TAFA5: variants seen among roughly 807,000 people sequenced by gnomAD.
TAFA5 encodes TAFA chemokine like family member 5.
A neutral mutation model predicts 15.3 loss-of-function variants in TAFA5; 6 were observed. The ratio of observed to expected loss-of-function variants is 0.39; its 90% confidence interval spans 0.21 to 0.77. The LOEUF (loss-of-function observed/expected upper bound fraction) is 0.77. Among genes scored for constraint, TAFA5 ranks in the 30% least tolerant of loss-of-function variants. The pLI is 0.41. For synonymous variants in TAFA5, 103 were observed against 80.7 expected (o/e 1.28, Z -1.48); for missense variants, 161 against 193.1 (o/e 0.83, Z 0.98).
At position 48,569,048 on chromosome 22, in the gene TAFA5, G is replaced by A. The variant is rs11090857; in HGVS notation, c.113-77549G>A. Reference sequence around the variant, plus strand: ...AAGGAGGGGCAGGGCCGGGCTGTGAGCAGACTGGTTCAGGCGAACCACAGG... The same window carrying A: ...AAGGAGGGGCAGGGCCGGGCTGTGAACAGACTGGTTCAGGCGAACCACAGG... On this transcript the variant is annotated intron_variant, in intron 1 of 3. Transcript: ENST00000402357. Among the ~76,000 whole-genome samples, 1,925 of 152,296 alleles carry A rather than the reference G, an allele frequency of 0.013. 145 individuals carry two copies. In the East Asian group the frequency reaches 0.23, roughly 18 times the overall value.
chr22:48,583,095 C>A (rs1924148792), intron 1 of TAFA5, among the ~76,000 whole-genome samples: 1 of 150,214 alleles, frequency 6.7e-6, no homozygotes. Flanking sequence ...ACCCCACACA[C>A]AAAATACACC....
chr22:48,611,333 C>A (rs993247295), intron 1 of TAFA5, among the ~76,000 whole-genome samples: 1 of 152,228 alleles, frequency 6.6e-6, no homozygotes, highest in African/African-American at 2.4e-5. Context: ...GAGATGCTGT[C>A]CTGCGTTGCC....
intron 3 of TAFA5, among the ~76,000 whole-genome samples, chr22:48,721,070 G>GC (rs1298971350): frequency 1.3e-5 from 2 of 152,210 alleles, no homozygotes; most frequent in Admixed American, 6.5e-5. Flanking sequence ...CAGCCCCACT[G>GC]TGTGGTTGCC....
chr22:48,645,576 C>T (rs1926831467), intron 1 of TAFA5, among the ~76,000 whole-genome samples: 1 of 152,028 alleles, frequency 6.6e-6, no homozygotes, highest in African/African-American at 2.4e-5. Flanking sequence ...CAGAGCCTGA[C>T]TCTGCCCCCG....
At chr22:48,715,021 C>A (rs2147256561) in intron 3 of TAFA5, among the ~76,000 whole-genome samples, 1 of 152,344 alleles carries the variant, frequency 6.6e-6, no homozygotes, top group East Asian at 1.9e-4. Context: ...GCTTTAGAGT[C>A]CATTGTAAAT....
chr22:48,570,458 A>G (rs528879177), intron 1 of TAFA5, among the ~76,000 whole-genome samples: 2 of 152,354 alleles, frequency 1.3e-5, no homozygotes, highest in African/African-American at 4.8e-5. Flanking sequence ...TCTTCCTGGC[A>G]TCCAGGCCTT....
At chr22:48,735,356 G>A (rs1438715114) in intron 3 of TAFA5, among the ~76,000 whole-genome samples, 2 of 152,310 alleles carry the variant, frequency 1.3e-5, no homozygotes, top group Non-Finnish European at 2.9e-5. Context: ...GCTGGCCAGC[G>A]TGTCTCATAA....
chr22:48,692,779 G>A (rs1285978658), intron 2 of TAFA5, among the ~76,000 whole-genome samples: 1 of 152,172 alleles, frequency 6.6e-6, no homozygotes, highest in East Asian at 1.9e-4. Context: ...GGCCATACGA[G>A]GGGCGTGTTC....
Position 48,554,436 on chromosome 22 carries a change from TA to T in TAFA5, c.112+64739del, listed in dbSNP as rs1038145964. On this transcript the variant is annotated intron_variant, in intron 1 of 3. Coordinates refer to ENST00000402357, the MANE Select transcript of TAFA5 (RefSeq NM_001082967.3). ...CTTTTAACCTGGTACCTTCATAAAG[TA>T]AAAAAATGTTCCCAACATATTACAT... 1.2e-4 allele frequency among the ~76,000 whole-genome samples: 18 copies of T among 152,150 alleles called. 1 individual carries two copies. The highest frequency in any genetic ancestry group is 4.1e-4 in the South Asian group (2 of 4,820).
intron 1 of TAFA5, among the ~76,000 whole-genome samples, chr22:48,504,180 G>A (rs1439353976): frequency 2.6e-5 from 4 of 152,134 alleles, no homozygotes; most frequent in South Asian, 2.1e-4. Context: ...ACACTCCCTC[G>A]GCTGGCAGAG....
At chr22:48,502,938 G>A (rs8137579) in intron 1 of TAFA5, among the ~76,000 whole-genome samples, 4,632 of 152,228 alleles carry the variant, frequency 0.03, 244 homozygotes, top group African/African-American at 0.11. Flanking sequence ...TACCACCAAC[G>A]GGTCATATAG....
intron 1 of TAFA5, among the ~76,000 whole-genome samples, chr22:48,537,980 A>G (rs1413024088): frequency 6.6e-6 from 1 of 152,198 alleles, no homozygotes; most frequent in East Asian, 1.9e-4. Context: ...GGATCCAGGC[A>G]GTGCACGGAC....
Position 48,546,089 on chromosome 22 carries a change from A to G in TAFA5, c.112+56385A>G, listed in dbSNP as rs886079502. ...CTGGCCCTCCCATCCCATCACGGGC[A>G]CAACTTGGGCGGGCAGCCTGGAGGA... On this transcript the variant is annotated intron_variant, in intron 1 of 3. Coordinates refer to ENST00000402357, the MANE Select transcript of TAFA5 (RefSeq NM_001082967.3). Among the ~76,000 whole-genome samples the G allele has an allele frequency of 2.6e-5, 4 of 152,186 alleles. No individual in the cohort carries two copies. In the East Asian group the frequency reaches 5.8e-4, roughly 22 times the overall value.
At chr22:48,735,355 C>T (rs559018900) in intron 3 of TAFA5, among the ~76,000 whole-genome samples, 44 of 152,234 alleles carry the variant, frequency 2.9e-4, no homozygotes, top group African/African-American at 9.6e-4. Context: ...AGCTGGCCAG[C>T]GTGTCTCATA....
At chr22:48,730,712 G>A (rs1007533307) in intron 3 of TAFA5, among the ~76,000 whole-genome samples, 1 of 151,996 alleles carries the variant, frequency 6.6e-6, no homozygotes, top group African/African-American at 2.4e-5. Context: ...GTTGTCTTGG[G>A]GCACCACAAA....
intron 1 of TAFA5, among the ~76,000 whole-genome samples, chr22:48,520,791 T>A (rs1986623921): frequency 6.6e-6 from 1 of 152,008 alleles, no homozygotes; most frequent in Non-Finnish European, 1.5e-5. Context: ...CTCATCTGGT[T>A]TAGGGGCCCC....
chr22:48,707,113 A>G (rs1929102108), intron 2 of TAFA5, among the ~76,000 whole-genome samples: 1 of 152,008 alleles, frequency 6.6e-6, no homozygotes, highest in Admixed American at 6.5e-5. Context: ...TGGAGGCTTG[A>G]CATGGCTGGT....
chr22:48,691,831 C>T (rs906720454), intron 2 of TAFA5, among the ~76,000 whole-genome samples: 12 of 152,252 alleles, frequency 7.9e-5, no homozygotes, highest in East Asian at 3.9e-4. Flanking sequence ...TGTGGAGACT[C>T]GGGCCCCAAC....
intron 2 of TAFA5, among the ~76,000 whole-genome samples, chr22:48,686,013 T>C (rs1928343004): frequency 6.6e-6 from 1 of 151,756 alleles, no homozygotes; most frequent in Non-Finnish European, 1.5e-5. Context: ...AGGCCCCACG[T>C]GTGCCCCGGG....
Sources: allele counts gnomAD v4.1 joint callset (sites outside exome capture counted in the v4.1 genomes callset), GRCh38; gene constraint gnomAD v4.1.1; transcripts MANE v1.5; gene names NCBI Gene and HGNC (gene_info 2026-07-23, HGNC 2026-07-21).